The following OPCML variants were observed in gnomAD, a reference collection of about 807,000 sequenced individuals.
OPCML encodes opioid binding protein/cell adhesion molecule like, also known as opioid-binding protein/cell adhesion molecule.
A neutral mutation model predicts 37.8 loss-of-function variants in OPCML; 13 were observed. The observed-to-expected ratio is 0.34, with a 90% CI of 0.22 to 0.55. The LOEUF (loss-of-function observed/expected upper bound fraction) is 0.55. Ranked by LOEUF, OPCML falls within the 20% of genes least tolerant of loss-of-function variation. The probability of loss-of-function intolerance (pLI) is 0.91; values close to 1 mark genes in which losing one functional copy is unlikely to be tolerated. For missense variants in OPCML, 341 were observed against 435.6 expected (o/e 0.78, Z 1.93); for synonymous variants, 176 against 168.8 (o/e 1.04, Z -0.33).
At chr11:133,309,811 C>A (rs1411104464) in intron 1 of OPCML, among the ~76,000 whole-genome samples, 3 of 152,020 alleles carry the variant, frequency 2.0e-5, no homozygotes, top group African/African-American at 7.2e-5. Context: ...TCCATAAGAC[C>A]AGTGATAGAT....
intron 1 of OPCML, among the ~76,000 whole-genome samples, chr11:133,372,329 C>T (rs1382867301): frequency 6.6e-6 from 1 of 152,110 alleles, no homozygotes; most frequent in Non-Finnish European, 1.5e-5. Context: ...GAAAAAGTCA[C>T]CATGTGTGTT....
intron 2 of OPCML, among the ~76,000 whole-genome samples, chr11:132,850,709 T>G (rs916454255): frequency 5.9e-5 from 9 of 152,178 alleles, no homozygotes; most frequent in South Asian, 2.1e-4. Context: ...TATTATAGCT[T>G]TCCCACCTCC....
intron 1 of OPCML, among the ~76,000 whole-genome samples, chr11:132,951,388 C>T (rs184090381): frequency 6.6e-5 from 10 of 152,280 alleles, no homozygotes; most frequent in African/African-American, 1.7e-4. Context: ...TCTGTGCTCA[C>T]GTGGGGAAGA....
intron 1 of OPCML, chr11:133,421,409 T>G: frequency 1.0e-6 from 1 of 985,402 alleles, no homozygotes; most frequent in Non-Finnish European, 1.2e-6. Context: ...AATCAGGCAT[T>G]TCGTTGTGTA....
At chr11:132,799,808 A>T (rs2136199762) in intron 2 of OPCML, among the ~76,000 whole-genome samples, 1 of 152,302 alleles carries the variant, frequency 6.6e-6, no homozygotes, top group South Asian at 2.1e-4. Flanking sequence ...TTATGCCAGT[A>T]TGACTTTGTC....
At chr11:132,440,569 G>A (rs2096029353) in intron 4 of OPCML, among the ~76,000 whole-genome samples, 1 of 152,186 alleles carries the variant, frequency 6.6e-6, no homozygotes, top group African/African-American at 2.4e-5. Flanking sequence ...CCCTCAGGCT[G>A]AGACCCTTGT....
chr11:132,610,885 T>A (rs1172600128), intron 3 of OPCML, among the ~76,000 whole-genome samples: 1 of 152,182 alleles, frequency 6.6e-6, no homozygotes, highest in African/African-American at 2.4e-5. Flanking sequence ...GATTGTTCTG[T>A]CTTTCCTATG....
rs997462248 is a variant in OPCML at position 132,814,987 on chromosome 11, G to A, written c.146+127939C>T. 3.3e-5 allele frequency among the ~76,000 whole-genome samples: 5 copies of A among 152,094 alleles called. No individual in the cohort carries two copies. In the South Asian group the frequency reaches 6.2e-4, roughly 19 times the overall value. ...AAAAAATAAGTTACAGTAAATCACC[G>A]TGAGGTCTTTATTGTGAACTTAAAA... On this transcript the variant is annotated intron_variant, in intron 2 of 7. Transcript: ENST00000524381.
intron 1 of OPCML, among the ~76,000 whole-genome samples, chr11:133,107,252 T>C (rs1047589489): frequency 3.9e-5 from 6 of 152,190 alleles, no homozygotes; most frequent in Admixed American, 1.3e-4. Flanking sequence ...CTGGAACTTA[T>C]AAGGACTGAA....
At chr11:133,271,950 T>G (rs748485698) in intron 1 of OPCML, among the ~76,000 whole-genome samples, 2 of 152,174 alleles carry the variant, frequency 1.3e-5, no homozygotes, top group Non-Finnish European at 2.9e-5. Context: ...AACACACAGA[T>G]GCAAACTAAT....
chr11:133,004,972 T>A (rs763129907), intron 1 of OPCML: 2 of 985,270 alleles, frequency 2.0e-6, no homozygotes, highest in African/African-American at 1.7e-5. Context: ...ATCATGGTCC[T>A]TCCCACCTGG....
chr11:132,716,073 T>C (rs1218850578), intron 2 of OPCML, among the ~76,000 whole-genome samples: 1 of 152,154 alleles, frequency 6.6e-6, no homozygotes, highest in Non-Finnish European at 1.5e-5. Context: ...CCAAATACAA[T>C]TTATCACCAA....
At chr11:133,197,197 A>G (rs145810235) in intron 1 of OPCML, among the ~76,000 whole-genome samples, 52 of 152,344 alleles carry the variant, frequency 3.4e-4, no homozygotes, top group Non-Finnish European at 6.6e-4. Context: ...TCTCTTCCTT[A>G]CCGGCACCCT....
chr11:133,464,711 C>T (rs1423304840), intron 1 of OPCML, among the ~76,000 whole-genome samples: 2 of 152,088 alleles, frequency 1.3e-5, no homozygotes, highest in African/African-American at 4.8e-5. Flanking sequence ...AGAAAAGTTA[C>T]CAGGAACACA....
intron 4 of OPCML, among the ~76,000 whole-genome samples, chr11:132,459,943 G>T (rs968514130): frequency 6.6e-6 from 1 of 152,170 alleles, no homozygotes; most frequent in Non-Finnish European, 1.5e-5. Context: ...TCATTTTCAA[G>T]AAAAGATCTG....
At chr11:133,413,759 T>A (rs1289300802) in intron 1 of OPCML, among the ~76,000 whole-genome samples, 1 of 152,198 alleles carries the variant, frequency 6.6e-6, no homozygotes, top group African/African-American at 2.4e-5. Flanking sequence ...GAACTGTGCT[T>A]AATTAAACAT....
intron 1 of OPCML, among the ~76,000 whole-genome samples, chr11:133,134,917 A>AT (rs1214081331): frequency 6.6e-6 from 1 of 152,068 alleles, no homozygotes; most frequent in Admixed American, 6.6e-5. Flanking sequence ...TTTCTGGAGT[A>AT]TTTTTTCCAT....
At chr11:133,168,675 A>G (rs746966240) in intron 1 of OPCML, among the ~76,000 whole-genome samples, 2 of 152,244 alleles carry the variant, frequency 1.3e-5, no homozygotes, top group African/African-American at 2.4e-5. Flanking sequence ...TTCAGCAACC[A>G]ATGGATCTTC....
At chr11:132,665,931 T>C (rs1942197053) in intron 2 of OPCML, among the ~76,000 whole-genome samples, 1 of 152,196 alleles carries the variant, frequency 6.6e-6, no homozygotes, top group South Asian at 2.1e-4. Flanking sequence ...ATAAAAAGTA[T>C]ACATCTGTCC....
Sources: allele counts gnomAD v4.1 joint callset (sites outside exome capture counted in the v4.1 genomes callset), GRCh38; gene constraint gnomAD v4.1.1; transcripts MANE v1.5; gene names NCBI Gene and HGNC (gene_info 2026-07-23, HGNC 2026-07-21).